Variants in TRPM1 observed in about 807,000 individuals in gnomAD.
TRPM1 encodes transient receptor potential cation channel subfamily M member 1.
In TRPM1, 113 loss-of-function variants were observed where a neutral mutation model predicts 149.4. That is an observed-to-expected ratio of 0.76 (90% CI 0.65 to 0.88). The LOEUF is 0.88. Among genes scored for constraint, TRPM1 ranks in the 40% least tolerant of loss-of-function variants. The probability of loss-of-function intolerance (pLI) is 0.00; values close to 1 mark genes in which losing one functional copy is unlikely to be tolerated. For synonymous variants in TRPM1, 741 were observed against 759.5 expected (o/e 0.98, Z 0.40); for missense variants, 1,976 against 2,038.7 (o/e 0.97, Z 0.59).
intron 17 of TRPM1, 139 bp downstream of exon 17, chr15:31,041,812 T>C (rs914010082): frequency 3.1e-6 from 3 of 962,866 alleles, no homozygotes; most frequent in Non-Finnish European, 4.8e-6. Context: ...AATGCTGACA[T>C]GACAGACGAA....
chr15:31,013,704 T>C (rs1396859871), intron 27 of TRPM1, among the ~76,000 whole-genome samples: 2 of 152,178 alleles, frequency 1.3e-5, no homozygotes, highest in East Asian at 3.9e-4. Flanking sequence ...TGTTATTGCT[T>C]AGTGTAGTTG....
intron 1 of TRPM1, among the ~76,000 whole-genome samples, chr15:31,109,712 A>C (rs1030664236): frequency 6.6e-5 from 10 of 151,864 alleles, no homozygotes; most frequent in Non-Finnish European, 4.4e-5. Flanking sequence ...AAAAAAAAAA[A>C]AAACCAGGAG....
chr15:31,042,487 G>T (rs1399912108), intron 16 of TRPM1, among the ~76,000 whole-genome samples: 2 of 152,190 alleles, frequency 1.3e-5, no homozygotes, highest in East Asian at 3.9e-4. Flanking sequence ...GCACCCCTGG[G>T]TCAGCAGTTT....
At chr15:31,020,997 ATCC>A (rs1220575011) in intron 27 of TRPM1, among the ~76,000 whole-genome samples, 1 of 151,824 alleles carries the variant, frequency 6.6e-6, no homozygotes, top group Non-Finnish European at 1.5e-5. Flanking sequence ...TTTTTTCTCT[ATCC>A]TCCTGAAGTC....
intron 27 of TRPM1, among the ~76,000 whole-genome samples, chr15:31,024,368 G>A (rs2032648476): frequency 3.3e-5 from 5 of 152,156 alleles, no homozygotes; most frequent in Admixed American, 3.3e-4. Flanking sequence ...GCTTGGCTAA[G>A]AGGGAAGGAA....
At chr15:31,063,374 A>C in intron 7 of TRPM1, 82 bp from the exon 8 acceptor site, 1 of 1,566,200 alleles carries the variant, frequency 6.4e-7, no homozygotes, top group Non-Finnish European at 8.8e-7. Flanking sequence ...AGTATGGGGA[A>C]GAGTAAAAAC....
At chr15:31,155,049 C>G (rs189936560) in intron 1 of TRPM1, among the ~76,000 whole-genome samples, 1 of 152,358 alleles carries the variant, frequency 6.6e-6, no homozygotes, top group East Asian at 1.9e-4. Flanking sequence ...TGAATTGGCT[C>G]TGTTTAAGCA....
At chr15:31,054,600 G>T (rs976795545) in intron 11 of TRPM1, among the ~76,000 whole-genome samples, 1 of 152,040 alleles carries the variant, frequency 6.6e-6, no homozygotes, top group Non-Finnish European at 1.5e-5. Context: ...TGGCCTCTTC[G>T]TTATGTTTAA....
intron 18 of TRPM1, among the ~76,000 whole-genome samples, chr15:31,038,705 C>A (rs1164084555): frequency 1.3e-5 from 2 of 151,988 alleles, no homozygotes; most frequent in African/African-American, 2.4e-5. Context: ...GAGCAAGACC[C>A]TGTCTCAAAA....
Position 31,067,914 on chromosome 15 carries a change from G to T in TRPM1, c.458C>A (p.Thr153Asn), listed in dbSNP as rs778148287. The T allele has an allele frequency of 2.5e-6, 4 of 1,613,666 alleles. No individual in the cohort carries two copies. The highest frequency in any genetic ancestry group is 3.4e-6 in the Non-Finnish European group (4 of 1,180,022). The change falls in exon 5 of 28, where the codon ACC becomes AAC. Residue 153 changes from threonine to asparagine, a missense_variant. Around this residue, in one of 3 missense-constraint regions of TRPM1, gnomAD observed 1,332 missense variants for 1,347.1 expected, o/e 0.99. Transcript: ENST00000256552. ...ACCCCCGGTGAAGATCCAGGCCCCG[G>T]TGGTCATAGCAGCCTTGATCAGGCC... The part of the protein sequence containing the change: ...GKGLIKAAMT[T>N]GAWIFTGGVS...
At chr15:31,152,117 T>G (rs946489902) in intron 1 of TRPM1, among the ~76,000 whole-genome samples, 1 of 152,172 alleles carries the variant, frequency 6.6e-6, no homozygotes, top group Non-Finnish European at 1.5e-5. Context: ...TGGGGTCCTC[T>G]ATAGCACACC....
chr15:31,146,660 G>A (rs2036228111), intron 1 of TRPM1, among the ~76,000 whole-genome samples: 2 of 152,028 alleles, frequency 1.3e-5, no homozygotes, highest in African/African-American at 2.4e-5. Context: ...TTAGTCTCCC[G>A]GTCCCTGCAT....
At chr15:31,065,215 C>T (rs2140959748) in intron 7 of TRPM1, 1 of 497,674 alleles carries the variant, frequency 2.0e-6, no homozygotes, top group Middle Eastern at 3.3e-4. Context: ...AGTCATCGAC[C>T]AATGTATTCT....
At chr15:31,134,509 G>C (rs2036062658) in intron 1 of TRPM1, among the ~76,000 whole-genome samples, 1 of 152,204 alleles carries the variant, frequency 6.6e-6, no homozygotes, top group African/African-American at 2.4e-5. Flanking sequence ...GAAAAGAAGA[G>C]TGACTAAATC....
chr15:31,069,932 G>A (rs1181376557), intron 4 of TRPM1, 99 bp downstream of exon 4: 1 of 1,611,400 alleles, frequency 6.2e-7, no homozygotes, highest in Non-Finnish European at 8.5e-7. Flanking sequence ...TTGAGCCACA[G>A]CCATGAAGAA....
chr15:31,069,491 G>C (rs1457865753), intron 4 of TRPM1: 23 of 1,073,364 alleles, frequency 2.1e-5, no homozygotes, highest in Non-Finnish European at 2.6e-5. Context: ...GTGTAATTCA[G>C]AGTGAGCTGG....
chr15:31,128,873 ACTC>A (rs2035983881), intron 1 of TRPM1, among the ~76,000 whole-genome samples: 1 of 152,148 alleles, frequency 6.6e-6, no homozygotes, highest in African/African-American at 2.4e-5. Context: ...TTTGCATAGA[ACTC>A]AGCAAATTTT....
chr15:31,076,841 A>T (rs753061890), intron 3 of TRPM1, 64 bp downstream of exon 3: 1 of 1,294,852 alleles, frequency 7.7e-7, no homozygotes, highest in South Asian at 1.2e-5. Context: ...CCTCTTACAA[A>T]CATGAGAATA....
At chr15:31,107,867 T>TC (rs2035629416) in intron 1 of TRPM1, among the ~76,000 whole-genome samples, 1 of 151,884 alleles carries the variant, frequency 6.6e-6, no homozygotes, top group Middle Eastern at 3.4e-3. Flanking sequence ...TCTTTTCTTT[T>TC]TTTTTTTTGA....
Sources: allele counts gnomAD v4.1 joint callset (sites outside exome capture counted in the v4.1 genomes callset), GRCh38; gene constraint gnomAD v4.1.1; regional missense constraint gnomAD v4.1.1; transcripts MANE v1.5; gene names NCBI Gene and HGNC (gene_info 2026-07-23, HGNC 2026-07-21).